RUVBL1: variants seen among roughly 807,000 people sequenced by gnomAD.
RUVBL1 encodes ruvB-like 1.
RUVBL1 carries 4 observed loss-of-function variants against 52.4 expected under a neutral mutation model. That is an observed-to-expected ratio of 0.08 (90% confidence interval 0.04 to 0.17). The LOEUF is 0.17. Among genes scored for constraint, RUVBL1 ranks in the 10% least tolerant of loss-of-function variants. The pLI is 1.00. For missense variants in RUVBL1, 298 were observed against 572.8 expected, an observed-to-expected ratio of 0.52 and a Z score of 4.90; for synonymous variants, 217 against 214.4, an observed-to-expected ratio of 1.01 and a Z score of -0.10.
intron 9 of RUVBL1, among the ~76,000 whole-genome samples, chr3:128,075,537 G>A (rs777755025): frequency 1.8e-4 from 28 of 152,158 alleles, no homozygotes; most frequent in Non-Finnish European, 2.9e-4. Context: ...CGCATGCACG[G>A]GGGGACACAC....
chr3:128,067,997 G>A lies in RUVBL1; in HGVS notation c.940-2777C>T. 1 of 1,613,980 alleles carries A rather than the reference G, an allele frequency of 6.2e-7. No homozygotes were observed. The highest frequency in any genetic ancestry group is 1.1e-5 in the South Asian group (1 of 91,066). On this transcript the variant is annotated intron_variant, in intron 9 of 9. Coordinates refer to the RUVBL1 transcript ENST00000464873. The surrounding 1 kb of genome is among the most constrained non-coding windows in gnomAD (Gnocchi z 4.1). The stretch of plus-strand genomic sequence containing the variant: ...GCACCCTGCAGGTTGCAAAGCAGCT[G>A]AAGGAGCAGCAGATGGTGATGAGAG...
intron 1 of RUVBL1, among the ~76,000 whole-genome samples, chr3:128,147,794 A>C (rs575523615): frequency 1.3e-5 from 2 of 152,332 alleles, no homozygotes; most frequent in African/African-American, 4.8e-5. Flanking sequence ...AAACCTATAC[A>C]TAAGTGTTTA....
rs890597585 is a variant in RUVBL1, at chr3:128,081,313, A to T, written c.1308T>A (p.Leu436=). 1 of 1,614,164 alleles carries T rather than the reference A, an allele frequency of 6.2e-7. No individual in the cohort carries two copies. The highest frequency in any genetic ancestry group is 1.1e-5 in the South Asian group (1 of 91,086). ...TGGCGGAGGACTTGGCATCATAGAAAAGTTCACTGATCTCTTCGACATGCT... is the reference window on the plus strand; with the variant it reads ...TGGCGGAGGACTTGGCATCATAGAATAGTTCACTGATCTCTTCGACATGCT... The part of the protein sequence containing the change: ...EKEHVEEISE[L]FYDAKSSAKI... The change falls in exon 11 of 11, where the codon CTT becomes CTA. Residue 436 remains leucine (L), a synonymous_variant. Transcript: ENST00000322623. This position sits in a 1 kb window ranked among gnomAD's most constrained non-coding sequence, Gnocchi z 4.8.
downstream of RUVBL1, chr3:128,078,884 C>G (rs1375121864): frequency 6.6e-6 from 1 of 152,186 alleles, no homozygotes; most frequent in Non-Finnish European, 1.5e-5. Flanking sequence ...TCCCACCTTC[C>G]TACCTATCCA....
chr3:128,145,980 T>A (rs1275605835), intron 1 of RUVBL1, among the ~76,000 whole-genome samples: 1 of 151,824 alleles, frequency 6.6e-6, no homozygotes, highest in Non-Finnish European at 1.5e-5. Context: ...ATGAACATAA[T>A]AAGGAAATAA....
At chr3:128,100,867 C>T in intron 5 of RUVBL1, 123 bp from the exon 6 acceptor site, 1 of 1,093,910 alleles carries the variant, frequency 9.1e-7, no homozygotes, top group Non-Finnish European at 1.3e-6. Flanking sequence ...ACTTGACAAA[C>T]TCCAAATATG....
At chr3:128,135,231 T>C (rs1943932189) in intron 1 of RUVBL1, among the ~76,000 whole-genome samples, 1 of 151,908 alleles carries the variant, frequency 6.6e-6, no homozygotes, top group South Asian at 2.1e-4. Flanking sequence ...TGGCATGACA[T>C]ATTGAAAGTG....
At chr3:128,117,356 A>T (rs1559826260) in intron 2 of RUVBL1, among the ~76,000 whole-genome samples, 1 of 152,230 alleles carries the variant, frequency 6.6e-6, no homozygotes, top group Non-Finnish European at 1.5e-5. Flanking sequence ...ATAATTCCTT[A>T]TTATGGAAAC....
rs772383014 is a variant in RUVBL1, at chr3:128,123,747, A to C, written c.-23T>G. The C allele has an allele frequency of 1.3e-6, 2 of 1,584,796 alleles. No individual in the cohort carries two copies. The highest frequency in any genetic ancestry group is 1.7e-6 in the Non-Finnish European group (2 of 1,160,488). ...CATTTTGCAGACGCCGGGAGCTAAAACCAGCGTGGAAAACCAGCAGCTAGG... is the reference window on the plus strand; with the variant it reads ...CATTTTGCAGACGCCGGGAGCTAAACCCAGCGTGGAAAACCAGCAGCTAGG... On this transcript the variant is annotated 5_prime_UTR_variant, in exon 1 of 11. Transcript: ENST00000322623.
chr3:128,086,857 A>C (rs1467330005), intron 9 of RUVBL1, among the ~76,000 whole-genome samples: 2 of 152,192 alleles, frequency 1.3e-5, no homozygotes, highest in African/African-American at 4.8e-5. Context: ...CCTTTGGATA[A>C]AGCCCACGCT....
intron 9 of RUVBL1, chr3:128,068,028 C>A (rs755246001): frequency 6.2e-7 from 1 of 1,613,884 alleles, no homozygotes; most frequent in South Asian, 1.1e-5. Flanking sequence ...GAGAGGCCAC[C>A]GAGAGACCTC....
At chr3:128,151,423 G>A (rs1944210285) in intron 1 of RUVBL1, among the ~76,000 whole-genome samples, 1 of 151,598 alleles carries the variant, frequency 6.6e-6, no homozygotes, top group African/African-American at 2.4e-5. Flanking sequence ...GGTAAGAAAT[G>A]AGGTTTATTT....
chr3:128,124,381 C>T (rs1943749298), upstream of RUVBL1, among the ~76,000 whole-genome samples: 1 of 151,794 alleles, frequency 6.6e-6, no homozygotes, highest in South Asian at 2.1e-4. Flanking sequence ...TTCCACAGCC[C>T]TGTAAGGTAG....
intron 8 of RUVBL1, among the ~76,000 whole-genome samples, chr3:128,089,459 TA>T (rs1300535675): frequency 6.6e-6 from 1 of 152,264 alleles, no homozygotes; most frequent in East Asian, 1.9e-4. Flanking sequence ...GTAATCAATA[TA>T]ACAAAGAATT....
intron 1 of RUVBL1, among the ~76,000 whole-genome samples, chr3:128,136,037 C>CAT (rs1267256932): frequency 6.6e-6 from 1 of 151,792 alleles, no homozygotes; most frequent in East Asian, 1.9e-4. Flanking sequence ...GTTAAGTTGT[C>CAT]ATTAGTTGAA....
intron 1 of RUVBL1, among the ~76,000 whole-genome samples, chr3:128,149,019 A>G (rs551160864): frequency 6.6e-6 from 1 of 152,034 alleles, no homozygotes; most frequent in Non-Finnish European, 1.5e-5. Flanking sequence ...ACAATGATCA[A>G]CTCAGGGCCA....
chr3:128,070,708 T>C (rs1301161076), intron 9 of RUVBL1: 4 of 152,338 alleles, frequency 2.6e-5, no homozygotes, highest in African/African-American at 7.2e-5. Context: ...AGGCTCAAGG[T>C]TGGTAGTGAA....
chr3:128,123,427 C>A (rs1943705143), intron 1 of RUVBL1, among the ~76,000 whole-genome samples, 157 bp downstream of exon 1: 1 of 152,180 alleles, frequency 6.6e-6, no homozygotes, highest in Non-Finnish European at 1.5e-5. Context: ...CAGGGCGGCG[C>A]CCCTCCCCGA....
At chr3:128,148,741 C>CAG (rs1030358931) in intron 1 of RUVBL1, among the ~76,000 whole-genome samples, 1 of 152,126 alleles carries the variant, frequency 6.6e-6, no homozygotes, top group African/African-American at 2.4e-5. Context: ...TGTACAAGCA[C>CAG]ATATATATAG....
Sources: allele counts gnomAD v4.1 joint callset (sites outside exome capture counted in the v4.1 genomes callset), GRCh38; gene constraint gnomAD v4.1.1; non-coding constraint Gnocchi (gnomAD v3.1); transcripts MANE v1.5; gene names NCBI Gene and HGNC (gene_info 2026-07-23, HGNC 2026-07-21).